KCNMB2: variants seen among roughly 807,000 people sequenced by gnomAD.
The protein encoded by KCNMB2 is potassium calcium-activated channel subfamily M regulatory beta subunit 2.
KCNMB2 carries 9 observed loss-of-function variants against 24.5 expected under a neutral mutation model. The observed-to-expected ratio is 0.37, with a 90% CI of 0.22 to 0.64. The LOEUF (loss-of-function observed/expected upper bound fraction) is 0.64. KCNMB2 is among the 30% of genes least tolerant of loss of function. The pLI is 0.63. For synonymous variants in KCNMB2, 109 were observed against 104.4 expected, an observed-to-expected ratio of 1.04 and a Z score of -0.27; for missense variants, 226 against 284.3, an observed-to-expected ratio of 0.79 and a Z score of 1.47.
At chr3:178,637,044 T>TG (rs386398660) in intron 1 of KCNMB2, among the ~76,000 whole-genome samples, 1 of 151,824 alleles carries the variant, frequency 6.6e-6, no homozygotes, top group Non-Finnish European at 1.5e-5. Flanking sequence ...ATTCTTTTTT[T>TG]TGTGGCTGCA....
intron 1 of KCNMB2, among the ~76,000 whole-genome samples, chr3:178,575,020 A>C (rs374533439): frequency 1.5e-3 from 226 of 152,256 alleles, no homozygotes; most frequent in African/African-American, 5.2e-3. Flanking sequence ...GTGAGCCAAG[A>C]TCACGCCACT....
intron 1 of KCNMB2, among the ~76,000 whole-genome samples, chr3:178,631,478 C>T (rs571981368): frequency 6.6e-6 from 1 of 152,260 alleles, no homozygotes; most frequent in African/African-American, 2.4e-5. Flanking sequence ...CAGCTTCCGC[C>T]TATGCGGCTG....
intron 1 of KCNMB2, among the ~76,000 whole-genome samples, chr3:178,684,032 C>A (rs1721370778): frequency 6.6e-6 from 1 of 152,118 alleles, no homozygotes. Context: ...AAAGGATCAC[C>A]ACTTTGTATC....
At chr3:178,646,183 A>G (rs1330145438) in intron 1 of KCNMB2, among the ~76,000 whole-genome samples, 1 of 152,176 alleles carries the variant, frequency 6.6e-6, no homozygotes, top group Non-Finnish European at 1.5e-5. Context: ...TGCCTAGATG[A>G]TAGTCCTGGA....
intron 1 of KCNMB2, among the ~76,000 whole-genome samples, chr3:178,606,816 C>T (rs1471331336): frequency 1.3e-5 from 2 of 152,046 alleles, no homozygotes; most frequent in African/African-American, 2.4e-5. Flanking sequence ...AGGGCAGAGC[C>T]CTTACAAATG....
At chr3:178,575,079 A>G (rs1716943508) in intron 1 of KCNMB2, among the ~76,000 whole-genome samples, 1 of 152,200 alleles carries the variant, frequency 6.6e-6, no homozygotes, top group African/African-American at 2.4e-5. Context: ...AAATAAATAA[A>G]CAAATAAAAT....
chr3:178,801,756 G>A (rs939513597), intron 1 of KCNMB2: 3 of 152,226 alleles, frequency 2.0e-5, no homozygotes, highest in African/African-American at 7.2e-5. Context: ...CAAGCTGAGA[G>A]CTTAAGTAAA....
chr3:178,597,296 GTACAAAGA>G (rs1398254718), intron 1 of KCNMB2, among the ~76,000 whole-genome samples: 1 of 152,042 alleles, frequency 6.6e-6, no homozygotes, highest in Non-Finnish European at 1.5e-5. Flanking sequence ...ATGTTAATAG[GTACAAAGA>G]TACACAATGT....
chr3:178,699,075 G>A, intron 1 of KCNMB2, among the ~76,000 whole-genome samples: 1 of 152,246 alleles, frequency 6.6e-6, no homozygotes, highest in East Asian at 1.9e-4. Context: ...CAGTGGTGGG[G>A]GCAATGCAAC....
At chr3:178,770,582 T>C (rs1182744938) in intron 1 of KCNMB2, among the ~76,000 whole-genome samples, 1 of 152,182 alleles carries the variant, frequency 6.6e-6, no homozygotes, top group South Asian at 2.1e-4. Context: ...CTGACCATTA[T>C]TTTTACCAAC....
At chr3:178,723,582 G>C (rs1159033089) in intron 1 of KCNMB2, among the ~76,000 whole-genome samples, 1 of 152,072 alleles carries the variant, frequency 6.6e-6, no homozygotes, top group African/African-American at 2.4e-5. Context: ...TAAGGATCCT[G>C]TTGCCTAAGT....
intron 1 of KCNMB2, among the ~76,000 whole-genome samples, chr3:178,743,092 A>G (rs1723548343): frequency 6.6e-6 from 1 of 152,198 alleles, no homozygotes; most frequent in Non-Finnish European, 1.5e-5. Context: ...TCTTAAGATA[A>G]GACAGTGTGG....
chr3:178,564,546 T>C (rs532915001), intron 1 of KCNMB2, among the ~76,000 whole-genome samples: 3 of 152,172 alleles, frequency 2.0e-5, no homozygotes, highest in Non-Finnish European at 4.4e-5. Context: ...GGAATAAAGA[T>C]TTATCAAACA....
chr3:178,797,289 T>C (rs1479137649), intron 1 of KCNMB2, among the ~76,000 whole-genome samples: 1 of 152,176 alleles, frequency 6.6e-6, no homozygotes, highest in African/African-American at 2.4e-5. Context: ...GCTTCACTGC[T>C]GAATTCTACC....
chr3:178,810,653 C>T (rs1714149342), intron 2 of KCNMB2, among the ~76,000 whole-genome samples: 1 of 152,190 alleles, frequency 6.6e-6, no homozygotes, highest in Non-Finnish European at 1.5e-5. Flanking sequence ...ATCTCCCATT[C>T]TGCAACCCAG....
At chr3:178,615,910 T>A (rs987182044) in intron 1 of KCNMB2, among the ~76,000 whole-genome samples, 3 of 152,148 alleles carry the variant, frequency 2.0e-5, no homozygotes, top group Admixed American at 1.3e-4. Context: ...GACTGGTTCC[T>A]TTCCTTCAAG....
intron 1 of KCNMB2, among the ~76,000 whole-genome samples, chr3:178,679,022 GTT>G (rs374461400): frequency 1.5e-4 from 22 of 146,588 alleles, no homozygotes; most frequent in Non-Finnish European, 3.2e-4. Flanking sequence ...TCATTTATCA[GTT>G]TTTTTTTGTT....
chr3:178,666,456 A>G (rs1720721571), intron 1 of KCNMB2, among the ~76,000 whole-genome samples: 1 of 152,142 alleles, frequency 6.6e-6, no homozygotes, highest in African/African-American at 2.4e-5. Context: ...AAATAAACCT[A>G]CCAAAAATTG....
Position 178,828,226 on chromosome 3 carries a change from G to A in KCNMB2, c.276G>A (p.Thr92=), listed in dbSNP as rs758647206. Residue 92 remains threonine, a synonymous_variant, in exon 4 of 5, where the codon ACG becomes ACA. Transcript: ENST00000452583. ...GCACCTTGCTGAATGCGTCCATCAC[G>A]GAAACATTTAATTGCTCCTTCAGCT... The part of the protein sequence containing the change: ...SQCTLLNASI[T]ETFNCSFSCG... 12 of 1,613,998 alleles carry A rather than the reference G, an allele frequency of 7.4e-6. No individual in the cohort carries two copies. The highest frequency in any genetic ancestry group is 3.3e-5 in the South Asian group (3 of 91,072).
Sources: allele counts gnomAD v4.1 joint callset (sites outside exome capture counted in the v4.1 genomes callset), GRCh38; gene constraint gnomAD v4.1.1; transcripts MANE v1.5; gene names NCBI Gene and HGNC (gene_info 2026-07-23, HGNC 2026-07-21).